Variants in DOK7 observed in about 807,000 individuals in gnomAD.
DOK7 encodes the protein protein Dok-7.
DOK7 carries 32 observed loss-of-function variants against 30.7 expected under a neutral mutation model. That is an observed-to-expected ratio of 1.04 (90% CI 0.79 to 1.40). The LOEUF is 1.40. DOK7 is among the 40% of genes most tolerant of loss of function. The probability of loss-of-function intolerance (pLI) is 0.00; values close to 1 mark genes in which losing one functional copy is unlikely to be tolerated. For missense variants in DOK7, 1,007 were observed against 699.2 expected, an observed-to-expected ratio of 1.44 and a Z score of -4.97; for synonymous variants, 447 against 324.1, an observed-to-expected ratio of 1.38 and a Z score of -4.07.
intron 6 of DOK7, chr4:3,500,159 C>G (rs565652590): frequency 7.0e-7 from 1 of 1,432,862 alleles, no homozygotes; most frequent in Non-Finnish European, 9.3e-7. Context: ...GGAGGAGGGG[C>G]TAGGCAGGGT....
intron 6 of DOK7, among the ~76,000 whole-genome samples, chr4:3,491,415 T>TCCTCACCCCAGC (rs879561937): frequency 6.9e-6 from 1 of 144,020 alleles, no homozygotes; most frequent in South Asian, 2.2e-4. Context: ...AGCTTCCTTC[T>TCCTCACCCCAGC]TTCCTTCTTC....
chr4:3,480,276 GC>G (rs1727363890), intron 4 of DOK7, among the ~76,000 whole-genome samples: 1 of 152,096 alleles, frequency 6.6e-6, no homozygotes, highest in African/African-American at 2.4e-5. Context: ...TCTGGGGGCC[GC>G]CCGGAGCATT....
At chr4:3,500,358 C>A in exon 7 of DOK7, 1 of 1,535,940 alleles carries the variant, frequency 6.5e-7, no homozygotes, top group East Asian at 2.4e-5. Context: ...AAAGCAGCTG[C>A]ACTACATGGG....
Position 3,494,037 on chromosome 4 carries a change from G to A in DOK7, c.*536G>A. ...CGCTGGGCCTCATCCCCATCTATGGGAGGAAACTGAAGCTCAGGAGGCTGT... is the reference window on the plus strand; with the variant it reads ...CGCTGGGCCTCATCCCCATCTATGGAAGGAAACTGAAGCTCAGGAGGCTGT... On this transcript the variant is annotated 3_prime_UTR_variant, in exon 7 of 7. Coordinates refer to ENST00000340083, the MANE Select transcript of DOK7 (RefSeq NM_173660.5). The A allele has an allele frequency of 1.0e-6, 1 of 988,418 alleles. No individual in the cohort carries two copies. The highest frequency in any genetic ancestry group is 1.7e-5 in the African/African-American group (1 of 57,386). The allele number at this position is 988,418 out of a possible 1,614,324, so 61.2% of individuals were successfully genotyped here. A position where few individuals can be genotyped will look rare whatever the true frequency, so the allele number is the denominator to read the frequency against.
At chr4:3,490,722 C>T (rs1267718500) in intron 6 of DOK7, among the ~76,000 whole-genome samples, 1 of 104,648 alleles carries the variant, frequency 9.6e-6, no homozygotes, top group Non-Finnish European at 1.9e-5. Context: ...CTTCATTTCC[C>T]CCCACTCATT....
intron 2 of DOK7, among the ~76,000 whole-genome samples, chr4:3,469,618 A>C (rs1377298374): frequency 6.6e-6 from 1 of 152,036 alleles, no homozygotes; most frequent in Admixed American, 6.5e-5. Context: ...TCCACTCCTG[A>C]GTCCCCCAGA....
chr4:3,485,732 C>T (rs1360902179), intron 5 of DOK7, 74 bp downstream of exon 5: 10 of 1,405,692 alleles, frequency 7.1e-6, no homozygotes, highest in Admixed American at 5.6e-5. Flanking sequence ...CGGGGGGCCA[C>T]AGTGATTTGT....
intron 5 of DOK7, among the ~76,000 whole-genome samples, chr4:3,487,599 C>A (rs1727894258): frequency 6.6e-6 from 1 of 152,190 alleles, no homozygotes; most frequent in Non-Finnish European, 1.5e-5. Context: ...GTATGGCGTG[C>A]ATGTTACCTT....
intron 4 of DOK7, chr4:3,484,498 G>A: frequency 3.0e-6 from 3 of 985,514 alleles, no homozygotes; most frequent in Non-Finnish European, 3.6e-6. Context: ...CCTGTGAGGT[G>A]ACGCCAGCCG....
Position 3,493,502 on chromosome 4 carries a change from GA to G in DOK7, c.*2del. 6.2e-7 allele frequency: 1 copy of G among 1,610,910 alleles called. No individual in the cohort carries two copies. The highest frequency in any genetic ancestry group is 8.5e-7 in the Non-Finnish European group (1 of 1,179,218). On this transcript the variant is annotated 3_prime_UTR_variant, in exon 7 of 7. Transcript: ENST00000340083. ...ACTCAAGGTAAACCCCCCTCCTTGA[GA>G]GCCGCAGATCCCGCCCCGCGGCTGC...
At chr4:3,478,092 G>A (rs1727211265) in intron 4 of DOK7, among the ~76,000 whole-genome samples, 1 of 152,186 alleles carries the variant, frequency 6.6e-6, no homozygotes, top group African/African-American at 2.4e-5. Context: ...GGGGGTGCCT[G>A]GAGGAGGGGG....
intron 2 of DOK7, among the ~76,000 whole-genome samples, 177 bp from the exon 3 acceptor site, chr4:3,473,229 A>G (rs1183786945): frequency 6.6e-6 from 1 of 152,224 alleles, no homozygotes; most frequent in Non-Finnish European, 1.5e-5. Context: ...GGGTCTTGCA[A>G]GGGGAGGGGA....
At chr4:3,468,106 C>T (rs1577140291) in intron 2 of DOK7, among the ~76,000 whole-genome samples, 1 of 152,120 alleles carries the variant, frequency 6.6e-6, no homozygotes, top group African/African-American at 2.4e-5. Context: ...ATGACTGTGT[C>T]CACGTGTGTG....
chr4:3,463,676 C>A, intron 2 of DOK7, 125 bp downstream of exon 2: 1 of 1,241,220 alleles, frequency 8.1e-7, no homozygotes, highest in Non-Finnish European at 1.1e-6. Context: ...ACCCGAGAGC[C>A]CCGTGCGGAC....
In DOK7 at chr4:3,492,248, T is replaced by A. The variant is rs531281649; in HGVS notation, c.773-511T>A. Reference sequence around the variant, plus strand: ...TGGGAGTGAGGCAAGGACGCCAGCATGGTGAGGGCAGGGGGCGAGTCGAGG... The same window carrying A: ...TGGGAGTGAGGCAAGGACGCCAGCAAGGTGAGGGCAGGGGGCGAGTCGAGG... On this transcript the variant is annotated intron_variant, in intron 6 of 6. Coordinates refer to ENST00000340083, the MANE Select transcript of DOK7 (RefSeq NM_173660.5). 1.7e-3 allele frequency among the ~76,000 whole-genome samples: 255 copies of A among 151,428 alleles called. 4 individuals are homozygous for A. The highest frequency in any genetic ancestry group is 5.9e-3 in the African/African-American group (243 of 41,250).
intron 6 of DOK7, among the ~76,000 whole-genome samples, chr4:3,492,158 G>A (rs1225700743): frequency 1.3e-5 from 2 of 152,176 alleles, no homozygotes; most frequent in East Asian, 3.9e-4. Flanking sequence ...GGCCTGGCCT[G>A]GCAGGCGGGA....
downstream of DOK7, chr4:3,496,924 G>A (rs529084053): frequency 6.2e-5 from 64 of 1,030,492 alleles, 1 homozygote; most frequent in African/African-American, 4.2e-4. Context: ...CTGGGTGGGC[G>A]CAGATGGCAG....
downstream of DOK7, among the ~76,000 whole-genome samples, chr4:3,498,966 C>T (rs78323380): frequency 6.9e-3 from 1,050 of 152,340 alleles, 9 homozygotes; most frequent in Non-Finnish European, 0.012. Context: ...ATCAGCGAGT[C>T]AGGTCTCCCT....
chr4:3,491,230 CTGCTCTTTCATTCCTTCTCCCCT>C (rs1397160997), intron 6 of DOK7, among the ~76,000 whole-genome samples: 2 of 111,410 alleles, frequency 1.8e-5, no homozygotes, highest in East Asian at 3.2e-4. Flanking sequence ...CCTTCTCCCG[CTGCTCTTTCATTCCTTCTCCCCT>C]TGCTCATTCA....
Sources: gnomAD v4.1 joint callset for allele counts (sites outside exome capture counted in the v4.1 genomes callset) on GRCh38, gnomAD v4.1.1 for gene constraint, MANE v1.5 for transcripts, NCBI Gene and HGNC (gene_info 2026-07-23, HGNC 2026-07-21) for gene names.